The following FRMPD1 variants were observed in gnomAD, a reference collection of about 807,000 sequenced individuals.
FRMPD1 encodes FERM and PDZ domain containing 1.
In FRMPD1, 76 loss-of-function variants were observed where a neutral mutation model predicts 117.8. The observed-to-expected ratio is 0.65, with a 90% confidence interval of 0.54 to 0.78. FRMPD1 has a LOEUF of 0.78. Ranked by LOEUF, FRMPD1 falls within the 30% of genes least tolerant of loss-of-function variation. FRMPD1 has a pLI of 0.00. For synonymous variants in FRMPD1, 783 were observed against 770.4 expected, an observed-to-expected ratio of 1.02 and a Z score of -0.27; for missense variants, 1,786 against 1,964.5, an observed-to-expected ratio of 0.91 and a Z score of 1.72.
intron 1 of FRMPD1, among the ~76,000 whole-genome samples, chr9:37,686,261 G>T (rs1451268801): frequency 2.0e-5 from 3 of 152,246 alleles, no homozygotes; most frequent in Non-Finnish European, 2.9e-5. Context: ...ATTCTGGGCG[G>T]TGGTGGTAGG....
At chr9:37,620,967 G>A in the FRMPD1 span, among the ~76,000 whole-genome samples, 6 of 152,114 alleles carry the variant, frequency 3.9e-5, no homozygotes, top group African/African-American at 7.2e-5. Flanking sequence ...ATTATTTATT[G>A]TAGTTTTAAT....
rs989107715 is a variant in FRMPD1, at chr9:37,724,272, G to C, written c.564G>C (p.Glu188Asp). 4.4e-6 allele frequency: 7 copies of C among 1,605,550 alleles called. No homozygotes were observed. The African/African-American group carries it at 9.4e-5, about 21-fold the overall frequency. Residue 188 changes from glutamate (E) to aspartate (D), a missense_variant, in exon 7 of 16, where the codon GAG (glutamate) becomes GAC (aspartate). Glu to Asp is a conservative substitution (Grantham distance 45). Transcript: ENST00000377765. ...CMPNVLKLYLENGQTKAFKFE... is the reference protein window; with the variant it reads ...CMPNVLKLYLDNGQTKAFKFE... ...CCAACGTGCTCAAGCTATACTTGGA[G>C]AATGGACAGACCAAAGCTTTCAAGT...
At chr9:37,676,874 G>A (rs546971569) in intron 1 of FRMPD1, among the ~76,000 whole-genome samples, 19 of 152,178 alleles carry the variant, frequency 1.2e-4, no homozygotes, top group Non-Finnish European at 2.6e-4. Context: ...CCTTATATTG[G>A]TTAGGAGTTT....
the FRMPD1 span, among the ~76,000 whole-genome samples, chr9:37,619,850 T>C: frequency 2.0e-5 from 3 of 151,460 alleles, no homozygotes; most frequent in Non-Finnish European, 4.4e-5. Flanking sequence ...TAGCTTGATA[T>C]AGTGAAGGTG....
intron 1 of FRMPD1, among the ~76,000 whole-genome samples, chr9:37,675,636 G>A (rs989200346): frequency 2.0e-5 from 3 of 152,182 alleles, no homozygotes; most frequent in African/African-American, 7.2e-5. Context: ...TGCTCATGAT[G>A]TAGGTGCCAC....
In FRMPD1 at chr9:37,719,060, GT is replaced by G. The variant is rs1563947699; in HGVS notation, c.409-4del. The G allele has an allele frequency of 6.4e-7, 1 of 1,556,674 alleles. No homozygotes were observed. Among genetic ancestry groups the G allele is most frequent in the South Asian group, 1.1e-5 (1 of 89,980 alleles). On this transcript the variant is annotated splice_region_variant and splice_polypyrimidine_tract_variant and intron_variant, in intron 5 of 15. Coordinates refer to ENST00000377765, the MANE Select transcript of FRMPD1 (RefSeq NM_014907.3). ...CTGTTCCAAAATGCATCATGTTACT[GT>G]TTTTCAGGGAGTCCCTAAATCGTCC...
chr9:37,661,139 A>G (rs1247080802), intron 1 of FRMPD1, among the ~76,000 whole-genome samples: 1 of 152,174 alleles, frequency 6.6e-6, no homozygotes, highest in East Asian at 1.9e-4. Flanking sequence ...AGCCCCTGGA[A>G]CTGCTGCCTG....
intron 1 of FRMPD1, among the ~76,000 whole-genome samples, chr9:37,684,631 A>G (rs1211199803): frequency 6.6e-6 from 1 of 152,222 alleles, no homozygotes; most frequent in Non-Finnish European, 1.5e-5. Flanking sequence ...GTTTGAACTC[A>G]GGCAGTAGCA....
chr9:37,700,436 T>A (rs1822490944), intron 2 of FRMPD1, among the ~76,000 whole-genome samples: 1 of 152,234 alleles, frequency 6.6e-6, no homozygotes, highest in African/African-American at 2.4e-5. Flanking sequence ...ATACCAGATT[T>A]AGCTTTTAAA....
chr9:37,696,176 C>T (rs1484738897), intron 2 of FRMPD1, among the ~76,000 whole-genome samples: 1 of 149,412 alleles, frequency 6.7e-6, no homozygotes, highest in Non-Finnish European at 1.5e-5. Context: ...TATGACAGGT[C>T]CTTCTTCATC....
At chr9:37,650,695 C>G (rs2119349633), upstream of FRMPD1, among the ~76,000 whole-genome samples, 1 of 152,252 alleles carries the variant, frequency 6.6e-6, no homozygotes, top group East Asian at 1.9e-4. Flanking sequence ...CCCCTGGGTA[C>G]TCAGCGGACG....
At chr9:37,744,325 C>G in intron 15 of FRMPD1, 64 bp from the exon 16 acceptor site, 1 of 1,283,210 alleles carries the variant, frequency 7.8e-7, no homozygotes, top group East Asian at 2.3e-5. Context: ...AAGGCCTGAG[C>G]CCAAGCTCTA....
intron 1 of FRMPD1, among the ~76,000 whole-genome samples, chr9:37,684,303 C>T (rs1395069396): frequency 6.6e-6 from 1 of 152,254 alleles, no homozygotes; most frequent in Non-Finnish European, 1.5e-5. Context: ...TTAACTTCTT[C>T]ATGCCTCAGT....
chr9:37,711,888 C>A (rs560281655), intron 5 of FRMPD1, among the ~76,000 whole-genome samples: 2 of 152,100 alleles, frequency 1.3e-5, no homozygotes, highest in Non-Finnish European at 2.9e-5. Flanking sequence ...AGGGAGGAAG[C>A]GGCAATCCTA....
intron 1 of FRMPD1, among the ~76,000 whole-genome samples, chr9:37,655,582 C>T (rs1359863934): frequency 6.8e-6 from 1 of 147,880 alleles, no homozygotes; most frequent in Non-Finnish European, 1.5e-5. Flanking sequence ...CGGCTCACTG[C>T]AACCTCTGCC....
intron 1 of FRMPD1, among the ~76,000 whole-genome samples, chr9:37,682,792 T>G (rs1364109242): frequency 6.6e-6 from 1 of 152,122 alleles, no homozygotes; most frequent in Non-Finnish European, 1.5e-5. Context: ...CCTTACAGAG[T>G]TGGGGTTATT....
intron 14 of FRMPD1, among the ~76,000 whole-genome samples, chr9:37,738,577 G>T (rs537004863): frequency 4.2e-4 from 64 of 152,254 alleles, no homozygotes; most frequent in Non-Finnish European, 7.5e-4. Context: ...GACCTCAAAT[G>T]ATCTGCCCAC....
At chr9:37,725,381 G>T (rs922341569) in intron 7 of FRMPD1, among the ~76,000 whole-genome samples, 1 of 152,168 alleles carries the variant, frequency 6.6e-6, no homozygotes, top group African/African-American at 2.4e-5. Flanking sequence ...GGCCAATGCA[G>T]CTATAGGGGA....
chr9:37,718,766 T>A (rs1251776259), intron 5 of FRMPD1, among the ~76,000 whole-genome samples: 1 of 152,192 alleles, frequency 6.6e-6, no homozygotes, highest in Non-Finnish European at 1.5e-5. Flanking sequence ...TATTGAGCAG[T>A]AAAACATGAG....
Sources: allele counts gnomAD v4.1 joint callset (sites outside exome capture counted in the v4.1 genomes callset), GRCh38; gene constraint gnomAD v4.1.1; transcripts MANE v1.5; gene names NCBI Gene and HGNC (gene_info 2026-07-23, HGNC 2026-07-21).